ITGA2: variants seen among roughly 807,000 people sequenced by gnomAD.
ITGA2 encodes the protein integrin subunit alpha 2.
Under a neutral mutation model 146.3 loss-of-function variants are expected in ITGA2, and 101 were observed. The ratio of observed to expected loss-of-function variants is 0.69; its 90% CI spans 0.59 to 0.81. The LOEUF is 0.81. ITGA2 is among the 40% of genes least tolerant of loss of function. ITGA2 has a pLI of 0.00. For synonymous variants in ITGA2, 477 were observed against 487.1 expected, an observed-to-expected ratio of 0.98 and a Z score of 0.27; for missense variants, 1,281 against 1,402.7, an observed-to-expected ratio of 0.91 and a Z score of 1.39.
In ITGA2 at chr5:52,989,370, G is replaced by T. The variant is rs886060656; in HGVS notation, c.-99G>T. ...GCGGGGGAGAGAAGCCCTCTGGACA[G>T]CTTCTAGAGTGTGCAGGTTCTCGTA... On this transcript the variant is annotated 5_prime_UTR_variant, in exon 1 of 30. Coordinates refer to ENST00000296585, the MANE Select transcript of ITGA2 (RefSeq NM_002203.4). 2.4e-6 allele frequency: 3 copies of T among 1,273,132 alleles called. No individual in the cohort carries two copies. The highest frequency in any genetic ancestry group is 3.4e-6 in the Non-Finnish European group (3 of 873,314). The allele number at this position is 1,273,132 out of a possible 1,614,324, so 78.9% of individuals were successfully genotyped here.
At position 53,094,082 on chromosome 5, in the gene ITGA2, T is replaced by G. The variant is rs1740582684; in HGVS notation, c.*3483T>G. The G allele has an allele frequency of 6.6e-6, 1 of 152,612 alleles. No individual in the cohort carries two copies. The highest frequency in any genetic ancestry group is 6.5e-5 in the Admixed American group (1 of 15,280). The allele number at this position is 152,612 out of a possible 1,614,324, so 9.5% of individuals were successfully genotyped here. A position where few individuals can be genotyped will look rare whatever the true frequency, so the allele number is the denominator to read the frequency against. On this transcript the variant is annotated 3_prime_UTR_variant, in exon 30 of 30. Transcript: ENST00000296585. The stretch of plus-strand genomic sequence containing the variant: ...GTATTTACCTGTCCTGATATATAGC[T>G]ATAACCCAATATATGAAAATCTCAA...
chr5:53,065,796 T>C (rs544912093), intron 14 of ITGA2, 45 bp from the exon 15 acceptor site: 3 of 1,610,880 alleles, frequency 1.9e-6, no homozygotes, highest in South Asian at 2.2e-5. Context: ...ATTTTCTGGT[T>C]CAGCTGTTGT....
chr5:53,046,194 CAAAAAAAA>C (rs58926174), intron 4 of ITGA2, among the ~76,000 whole-genome samples: 1 of 99,066 alleles, frequency 1.0e-5, no homozygotes, highest in Non-Finnish European at 2.0e-5. Context: ...GACTCTGTCT[CAAAAAAAA>C]AAAAAAAAAA....
chr5:53,045,148 T>A, intron 4 of ITGA2, 56 bp downstream of exon 4: 2 of 1,293,954 alleles, frequency 1.5e-6, no homozygotes, highest in Admixed American at 3.4e-5. Context: ...TAGACAGTAG[T>A]GTCTTCTCAC....
chr5:53,058,473 G>C (rs141016939), intron 10 of ITGA2, among the ~76,000 whole-genome samples: 1 of 151,822 alleles, frequency 6.6e-6, no homozygotes, highest in South Asian at 2.1e-4. Flanking sequence ...CGTCATGGTC[G>C]AATTCTGAAT....
Position 53,026,956 on chromosome 5 carries a change from G to C in ITGA2, c.185+88G>C, listed in dbSNP as rs191930217. 6.7e-6 allele frequency: 8 copies of C among 1,192,806 alleles called. No homozygotes were observed. The East Asian group carries it at 2.0e-4, about 30-fold the overall frequency. 73.9% of individuals were successfully genotyped at this position (1,192,806 alleles called of 1,614,324 possible). On this transcript the variant is annotated intron_variant, in intron 2 of 29. Transcript: ENST00000296585. ...CAATTGCTTTTTCAAATTGGTGCCT[G>C]ACTGTACTATAAATGGGTGGCCCTC... is the stretch of plus-strand genomic sequence containing the variant.
At chr5:53,018,599 G>A (rs562239218) in intron 1 of ITGA2, among the ~76,000 whole-genome samples, 4 of 152,110 alleles carry the variant, frequency 2.6e-5, no homozygotes, top group South Asian at 2.1e-4. Flanking sequence ...CTGGTTTCTC[G>A]GTCGGAGAGG....
Position 53,090,937 on chromosome 5 carries a change from A to G in ITGA2, c.*338A>G, listed in dbSNP as rs1740388968. On this transcript the variant is annotated 3_prime_UTR_variant, in exon 30 of 30. Coordinates refer to ENST00000296585, the MANE Select transcript of ITGA2 (RefSeq NM_002203.4). Reference sequence around the variant, plus strand: ...CCAAGCATGACAACTTTTAAAGAAAAATATGATACTCTCAGATTTTAAGGG... The same window carrying G: ...CCAAGCATGACAACTTTTAAAGAAAGATATGATACTCTCAGATTTTAAGGG... 3.7e-6 allele frequency: 2 copies of G among 542,330 alleles called. No individual in the cohort carries two copies. Among genetic ancestry groups the G allele is most frequent in the South Asian group, 5.8e-5 (2 of 34,770 alleles). The allele number at this position is 542,330 out of a possible 1,614,324, so 33.6% of individuals were successfully genotyped here. A position where few individuals can be genotyped will look rare whatever the true frequency, so the allele number is the denominator to read the frequency against.
chr5:53,033,726 T>C (rs1011650401), intron 2 of ITGA2, among the ~76,000 whole-genome samples: 9 of 151,806 alleles, frequency 5.9e-5, no homozygotes, highest in African/African-American at 2.2e-4. Flanking sequence ...GCCTCCTGAA[T>C]AGCTGGAATT....
chr5:53,027,600 G>A (rs1743014496), intron 2 of ITGA2, among the ~76,000 whole-genome samples: 1 of 152,196 alleles, frequency 6.6e-6, no homozygotes, highest in Non-Finnish European at 1.5e-5. Flanking sequence ...AAGAAGCGCT[G>A]TAGCTCCTAT....
intron 18 of ITGA2, 120 bp from the exon 19 acceptor site, chr5:53,072,493 T>G: frequency 1.4e-6 from 1 of 718,860 alleles, no homozygotes; most frequent in South Asian, 1.6e-5. Flanking sequence ...CATTTATATA[T>G]TCCTAGAACA....
Position 53,094,515 on chromosome 5 carries a change from T to C in ITGA2, c.*3916T>C, listed in dbSNP as rs1175365771. On this transcript the variant is annotated 3_prime_UTR_variant, in exon 30 of 30. Coordinates refer to ENST00000296585, the MANE Select transcript of ITGA2 (RefSeq NM_002203.4). ...ATAAGTCTTTTTTCAAATGTGGTGT[T>C]TGATGTTTTTGATTAAATGTGTTTT... 6.6e-6 allele frequency: 1 copy of C among 152,208 alleles called. No homozygotes were observed. The highest frequency in any genetic ancestry group is 2.4e-5 in the African/African-American group (1 of 41,462). 9.4% of individuals were successfully genotyped at this position (152,208 alleles called of 1,614,324 possible). A position where few individuals can be genotyped will look rare whatever the true frequency, so the allele number is the denominator to read the frequency against.
chr5:53,039,344 C>T (rs1743662004), intron 2 of ITGA2, among the ~76,000 whole-genome samples: 1 of 152,132 alleles, frequency 6.6e-6, no homozygotes, highest in African/African-American at 2.4e-5. Flanking sequence ...AGTAGATACG[C>T]AGAGGCTGAG....
chr5:53,067,383 C>T lies in ITGA2; in HGVS notation c.2083+126C>T, dbSNP rs1013782799. 3.2e-5 allele frequency: 32 copies of T among 988,048 alleles called. No individual in the cohort carries two copies. In the African/African-American group the frequency reaches 4.2e-4, roughly 13 times the overall value. The allele number at this position is 988,048 out of a possible 1,614,324, so 61.2% of individuals were successfully genotyped here. A position where few individuals can be genotyped will look rare whatever the true frequency, so the allele number is the denominator to read the frequency against. On this transcript the variant is annotated intron_variant, in intron 16 of 29. Transcript: ENST00000296585. The stretch of plus-strand genomic sequence containing the variant: ...TTTTAGTTATAGACACTTAAGTTTC[C>T]TTACACTGGAGATGCCCGAGAATGG...
chr5:53,069,538 T>C (rs954564262), intron 16 of ITGA2, among the ~76,000 whole-genome samples: 1 of 152,028 alleles, frequency 6.6e-6, no homozygotes, highest in East Asian at 1.9e-4. Context: ...TTCTTACAAC[T>C]GGATGGAAGC....
chr5:53,068,177 A>T (rs977679442), intron 16 of ITGA2, among the ~76,000 whole-genome samples: 2 of 151,946 alleles, frequency 1.3e-5, no homozygotes, highest in African/African-American at 4.8e-5. Context: ...ATTCATACCA[A>T]GATACAAATA....
At chr5:53,050,467 C>T (rs900078053) in intron 6 of ITGA2, among the ~76,000 whole-genome samples, 2 of 152,068 alleles carry the variant, frequency 1.3e-5, no homozygotes, top group African/African-American at 4.8e-5. Flanking sequence ...AGAAAGGGGT[C>T]CAGGAATATT....
intron 1 of ITGA2, among the ~76,000 whole-genome samples, chr5:53,008,354 T>G (rs1741960443): frequency 6.7e-6 from 1 of 149,190 alleles, no homozygotes; most frequent in African/African-American, 2.5e-5. Flanking sequence ...GCTTCACTCT[T>G]AGGACCTCAT....
At chr5:53,001,160 C>T (rs758560100) in intron 1 of ITGA2, among the ~76,000 whole-genome samples, 13 of 152,016 alleles carry the variant, frequency 8.6e-5, no homozygotes, top group Non-Finnish European at 1.8e-4. Context: ...CCTCAGCCTC[C>T]CAAAGTGCTG....
Sources: gnomAD v4.1 joint callset for allele counts (sites outside exome capture counted in the v4.1 genomes callset) on GRCh38, gnomAD v4.1.1 for gene constraint, MANE v1.5 for transcripts, NCBI Gene and HGNC (gene_info 2026-07-23, HGNC 2026-07-21) for gene names.